The following MSTO1 variants were observed in gnomAD, a reference collection of about 807,000 sequenced individuals.
The protein encoded by MSTO1 is protein misato homolog 1.
A neutral mutation model predicts 55.7 loss-of-function variants in MSTO1; 24 were observed. The ratio of observed to expected loss-of-function variants is 0.43; its 90% confidence interval spans 0.31 to 0.61. MSTO1 has a LOEUF of 0.61. MSTO1 is among the 20% of genes least tolerant of loss of function. MSTO1 has a pLI of 0.09. For missense variants in MSTO1, 363 were observed against 625.7 expected, an observed-to-expected ratio of 0.58 and a Z score of 4.48; for synonymous variants, 162 against 252.8, an observed-to-expected ratio of 0.64 and a Z score of 3.41.
the MSTO1 span, among the ~76,000 whole-genome samples, chr1:155,593,068 C>A: frequency 1.3e-5 from 2 of 152,078 alleles, no homozygotes; most frequent in Admixed American, 6.6e-5. Flanking sequence ...TGCAACACCA[C>A]ACCTGGCTAA....
chr1:155,607,699 A>G (rs557001607), upstream of MSTO1, among the ~76,000 whole-genome samples: 3 of 152,362 alleles, frequency 2.0e-5, no homozygotes, highest in African/African-American at 4.8e-5. Context: ...AGCCCACATC[A>G]TACTTAGAAA....
rs1338183423 is a variant in MSTO1 at position 155,612,520 on chromosome 1, C to T, written c.916C>T (p.Leu306=). 4.3e-6 allele frequency: 7 copies of T among 1,613,584 alleles called. No individual in the cohort carries two copies. Among genetic ancestry groups the T allele is most frequent in the Non-Finnish European group, 5.9e-6 (7 of 1,179,996 alleles). ...CTGCCCCTTGTCCTTGGGTGGGAGC[C>T]TGGGCCTGCGACCCGAGCCACCTGT... ...LVCPLSLGGS[L]GLRPEPPVSF... Residue 306 remains leucine (L), a synonymous_variant, in exon 9 of 14, where the codon CTG becomes TTG. Coordinates refer to ENST00000245564, the MANE Select transcript of MSTO1 (RefSeq NM_018116.4).
chr1:155,606,682 C>G (rs369606296), upstream of MSTO1, among the ~76,000 whole-genome samples: 1 of 151,534 alleles, frequency 6.6e-6, no homozygotes, highest in Non-Finnish European at 1.5e-5. Context: ...TGTGAGCCAT[C>G]GTACCCAGCC....
chr1:155,577,836 C>G, the MSTO1 span, among the ~76,000 whole-genome samples: 1 of 152,158 alleles, frequency 6.6e-6, no homozygotes, highest in East Asian at 1.9e-4. Context: ...CTTTCGACTT[C>G]TCAGGCTCAA....
intron 9 of MSTO1, 128 bp from the exon 10 acceptor site, chr1:155,612,716 T>A: frequency 7.0e-7 from 1 of 1,421,332 alleles, no homozygotes; most frequent in East Asian, 2.3e-5. Context: ...CACTGTCCTA[T>A]GCTTGTCCAG....
the MSTO1 span, among the ~76,000 whole-genome samples, chr1:155,573,778 C>G: frequency 6.8e-6 from 1 of 146,118 alleles, no homozygotes; most frequent in East Asian, 2.0e-4. Flanking sequence ...ACAGAGGTTA[C>G]AGTGAGCCGA....
the MSTO1 span, among the ~76,000 whole-genome samples, chr1:155,581,784 T>C: frequency 1.3e-5 from 2 of 151,826 alleles, no homozygotes; most frequent in East Asian, 3.9e-4. Flanking sequence ...CATTCATCTT[T>C]AATTTTTACC....
chr1:155,572,027 G>A, the MSTO1 span, among the ~76,000 whole-genome samples: 1 of 150,172 alleles, frequency 6.7e-6, no homozygotes, highest in South Asian at 2.1e-4. Flanking sequence ...GGGCGACAGA[G>A]TGAGACTCTT....
upstream of MSTO1, chr1:155,609,877 C>A: frequency 4.4e-6 from 1 of 227,756 alleles, no homozygotes; most frequent in South Asian, 7.8e-5. Context: ...GGGGAGCTAT[C>A]AGCCAGCGGA....
the MSTO1 span, among the ~76,000 whole-genome samples, chr1:155,599,532 G>A: frequency 8.5e-5 from 13 of 152,232 alleles, no homozygotes; most frequent in Middle Eastern, 3.4e-3. Flanking sequence ...ATTACACTTT[G>A]CATATGAAGG....
chr1:155,595,866 T>C, the MSTO1 span, among the ~76,000 whole-genome samples: 1 of 152,146 alleles, frequency 6.6e-6, no homozygotes, highest in African/African-American at 2.4e-5. Flanking sequence ...ACTAACTTGA[T>C]TTGTTATGAG....
the MSTO1 span, among the ~76,000 whole-genome samples, chr1:155,578,580 G>A: frequency 3.6e-5 from 5 of 137,336 alleles, no homozygotes; most frequent in African/African-American, 5.5e-5. Context: ...GCACAATCTC[G>A]GCTCACTGCA....
Position 155,613,230 on chromosome 1 carries a change from C to G in MSTO1, c.1280C>G (p.Thr427Arg). 1 of 1,613,220 alleles carries G rather than the reference C, an allele frequency of 6.2e-7. No individual in the cohort carries two copies. Among genetic ancestry groups the G allele is most frequent in the East Asian group, 2.2e-5 (1 of 44,846 alleles). ...VLRGIDRACH[T>R]SQLTPGTPPP... The stretch of plus-strand genomic sequence containing the variant: ...AGGGGTATAGACAGAGCATGCCACA[C>G]AAGGTGAGAGCTGTTGGTCCTTAGG... Residue 427 changes from threonine to arginine, a missense_variant, in exon 11 of 14, where the codon ACA becomes AGA. Thr to Arg is a moderately conservative substitution (Grantham distance 71). Coordinates refer to ENST00000245564, the MANE Select transcript of MSTO1 (RefSeq NM_018116.4).
the MSTO1 span, among the ~76,000 whole-genome samples, chr1:155,587,717 C>G: frequency 1.4e-5 from 2 of 144,908 alleles, no homozygotes; most frequent in African/African-American, 5.1e-5. Flanking sequence ...GCACTCCAGC[C>G]TGGGCGACAG....
upstream of MSTO1, among the ~76,000 whole-genome samples, chr1:155,607,807 G>A (rs1304912029): frequency 6.6e-6 from 1 of 152,162 alleles, no homozygotes; most frequent in Non-Finnish European, 1.5e-5. Flanking sequence ...GACCAGCCTG[G>A]GCAAGATGGT....
At chr1:155,591,343 G>A in the MSTO1 span, 3 of 1,099,102 alleles carry the variant, frequency 2.7e-6, no homozygotes, top group Middle Eastern at 2.1e-4. Context: ...AACCATCACG[G>A]TGATCTTCTA....
chr1:155,602,032 G>A, the MSTO1 span: 1 of 541,240 alleles, frequency 1.8e-6, no homozygotes, highest in Non-Finnish European at 3.6e-6. Context: ...GGGATTACAG[G>A]TATGAGCCGC....
the MSTO1 span, chr1:155,598,787 T>G: frequency 9.8e-7 from 1 of 1,023,038 alleles, no homozygotes. Context: ...TCTAGTCACC[T>G]TGTAGTCACG....
chr1:155,592,078 C>G, the MSTO1 span, among the ~76,000 whole-genome samples: 1 of 152,126 alleles, frequency 6.6e-6, no homozygotes, highest in Non-Finnish European at 1.5e-5. Context: ...AATTGAGTAG[C>G]GTTTAAGTAG....
Sources: allele counts gnomAD v4.1 joint callset (sites outside exome capture counted in the v4.1 genomes callset), GRCh38; gene constraint gnomAD v4.1.1; transcripts MANE v1.5; gene names NCBI Gene and HGNC (gene_info 2026-07-23, HGNC 2026-07-21).